The following QRFPR variants were observed in gnomAD, a reference collection of about 807,000 sequenced individuals.
QRFPR encodes pyroglutamylated RF-amide peptide receptor.
A neutral mutation model predicts 31.3 loss-of-function variants in QRFPR; 37 were observed. That is an observed-to-expected ratio of 1.18 (90% CI 0.91 to 1.56). The LOEUF is 1.56. QRFPR is among the 40% of genes most tolerant of loss of function. QRFPR has a pLI of 0.00. For synonymous variants in QRFPR, 197 were observed against 192.0 expected (o/e 1.03, Z -0.22); for missense variants, 542 against 532.5 (o/e 1.02, Z -0.18).
At chr4:121,359,873 C>T (rs537475933) in intron 1 of QRFPR, among the ~76,000 whole-genome samples, 4 of 151,582 alleles carry the variant, frequency 2.6e-5, no homozygotes, top group Non-Finnish European at 5.9e-5. Flanking sequence ...CTGACTAATA[C>T]GGCTTATTAT....
chr4:121,350,494 A>G (rs1362658158), intron 1 of QRFPR, among the ~76,000 whole-genome samples: 1 of 152,184 alleles, frequency 6.6e-6, no homozygotes, highest in Admixed American at 6.5e-5. Context: ...ATCTTTTTCA[A>G]TCTCTTTTCA....
intron 1 of QRFPR, among the ~76,000 whole-genome samples, chr4:121,368,082 G>A (rs1396022960): frequency 6.7e-6 from 1 of 149,724 alleles, no homozygotes; most frequent in Non-Finnish European, 1.5e-5. Flanking sequence ...AACTGAACTT[G>A]TACACAGTGA....
intron 1 of QRFPR, among the ~76,000 whole-genome samples, chr4:121,347,460 T>G (rs1261818630): frequency 6.6e-6 from 1 of 152,112 alleles, no homozygotes; most frequent in Non-Finnish European, 1.5e-5. Context: ...CACTGTTGCT[T>G]CTCCCACAGC....
Position 121,329,661 on chromosome 4 carries a change from C to T in QRFPR, c.949G>A (p.Val317Met), listed in dbSNP as rs751553958. 42 of 1,578,384 alleles carry T rather than the reference C, an allele frequency of 2.7e-5. No homozygotes were observed. The highest frequency in any genetic ancestry group is 3.4e-4 in the Middle Eastern group (2 of 5,904). ...DVTIKMIFAI[V>M]QIIGFSNSIC... is the part of the protein sequence containing the mutation. ...GAGTTGGAAAATCCAATAATTTGCA[C>T]GATAGCAAAAATCATCTTGATTGTG... The change falls in exon 6 of 6, where the codon GTG (valine) becomes ATG (methionine). Residue 317 changes from valine (V) to methionine (M), a missense_variant. Transcript: ENST00000394427.
At chr4:121,335,602 T>A (rs1361801643) in intron 3 of QRFPR, among the ~76,000 whole-genome samples, 8 of 99,284 alleles carry the variant, frequency 8.1e-5, no homozygotes, top group Non-Finnish European at 1.3e-4. Flanking sequence ...GGGAGAGGAG[T>A]GGGGCAGGGG....
intron 1 of QRFPR, among the ~76,000 whole-genome samples, chr4:121,349,208 A>T (rs1057194195): frequency 6.6e-6 from 1 of 152,008 alleles, no homozygotes; most frequent in Admixed American, 6.6e-5. Flanking sequence ...TGTTATGGGG[A>T]TGTGTTGAAA....
rs140939387 is a variant in QRFPR, at chr4:121,377,049, T to C, written c.340+3259A>G. Among the ~76,000 whole-genome samples, 3 of 152,312 alleles carry C rather than the reference T, an allele frequency of 2.0e-5. No individual in the cohort carries two copies. In the East Asian group the frequency reaches 5.8e-4, roughly 29 times the overall value. ...TCAGAAATATTTGAGAGACAGGCAA[T>C]GTAGAGATGTGACAAACTGGAAGTC... is the stretch of plus-strand genomic sequence containing the variant. On this transcript the variant is annotated intron_variant, in intron 1 of 5. Transcript: ENST00000394427.
At chr4:121,336,996 T>TCC in intron 2 of QRFPR, 128 bp from the exon 3 acceptor site, 1 of 794,046 alleles carries the variant, frequency 1.3e-6, no homozygotes, top group Non-Finnish European at 2.2e-6. Flanking sequence ...TGCCATGGTC[T>TCC]CCCCCAAGTT....
chr4:121,364,388 G>A (rs1726046535), intron 1 of QRFPR, among the ~76,000 whole-genome samples: 1 of 150,142 alleles, frequency 6.7e-6, no homozygotes, highest in Non-Finnish European at 1.5e-5. Flanking sequence ...TGTAATCCCA[G>A]CACTTTGGGA....
At chr4:121,372,363 T>A (rs1726263868) in intron 1 of QRFPR, among the ~76,000 whole-genome samples, 2 of 152,220 alleles carry the variant, frequency 1.3e-5, no homozygotes, top group Non-Finnish European at 2.9e-5. Context: ...AAGTATTCTC[T>A]CTCATTTCCT....
Position 121,332,999 on chromosome 4 carries a change from TG to T in QRFPR, c.618del (p.Ser207AlafsTer23), listed in dbSNP as rs1725360976. On this transcript the variant is annotated frameshift_variant, in exon 4 of 6. Coordinates refer to ENST00000394427, the MANE Select transcript of QRFPR (RefSeq NM_198179.3). LOFTEE classifies it high-confidence loss of function. ...KEHICCLEEW[T>X]SPVHQKIYTT... ...GTGTAGATCTTCTGGTGCACAGGGC[TG>T]GTCCACTCTTCTAAGCAGCAGATGT... 6.3e-7 allele frequency: 1 copy of T among 1,588,034 alleles called. No individual in the cohort carries two copies. Among genetic ancestry groups the T allele is most frequent in the South Asian group, 1.1e-5 (1 of 89,828 alleles).
intron 2 of QRFPR, among the ~76,000 whole-genome samples, chr4:121,337,084 G>T (rs1265797161): frequency 6.6e-6 from 1 of 152,198 alleles, no homozygotes; most frequent in African/African-American, 2.4e-5. Context: ...ACATTTAATA[G>T]TGTTTCACTG....
intron 1 of QRFPR, among the ~76,000 whole-genome samples, chr4:121,375,496 T>C (rs1726333739): frequency 6.6e-6 from 1 of 152,200 alleles, no homozygotes; most frequent in Admixed American, 6.5e-5. Flanking sequence ...CAGGAATGAC[T>C]CATAGTGCCA....
Position 121,340,563 on chromosome 4 carries a change from C to A in QRFPR, c.388G>T (p.Val130Leu), listed in dbSNP as rs1372609201. 1 of 1,614,078 alleles carries A rather than the reference C, an allele frequency of 6.2e-7. No individual in the cohort carries two copies. The highest frequency in any genetic ancestry group is 8.5e-7 in the Non-Finnish European group (1 of 1,179,986). The change falls in exon 2 of 6, where the codon GTG becomes TTG. Residue 130 changes from valine (V) to leucine (L), a missense_variant. Coordinates refer to ENST00000394427, the MANE Select transcript of QRFPR (RefSeq NM_198179.3). ...CAGGTCATAGTGAGGATTTCTGTCA[C>A]AACAGCGGTAGACTGGACAAATGGC... ...MVPFVQSTAV[V>L]TEILTMTCIA... is the part of the protein sequence containing the mutation.
At chr4:121,368,572 G>A (rs1418864113) in intron 1 of QRFPR, among the ~76,000 whole-genome samples, 1 of 150,224 alleles carries the variant, frequency 6.7e-6, no homozygotes, top group Non-Finnish European at 1.5e-5. Context: ...CCAAAAAGCA[G>A]GGGGACTCAA....
At chr4:121,349,919 T>C (rs1004585208) in intron 1 of QRFPR, among the ~76,000 whole-genome samples, 2 of 152,070 alleles carry the variant, frequency 1.3e-5, no homozygotes, top group Admixed American at 6.6e-5. Flanking sequence ...ATACATGCAA[T>C]AGAAAAATGC....
rs1725522109 is a variant in QRFPR, at chr4:121,340,513, T to C, written c.438A>G (p.Gly146=). The C allele has an allele frequency of 6.2e-7, 1 of 1,613,936 alleles. No homozygotes were observed. The highest frequency in any genetic ancestry group is 1.1e-5 in the South Asian group (1 of 91,080). ...MTCIAVERHQ[G]LVHPFKMKWQ... ...ACTTCATTTTAAAAGGATGCACAAG[T>C]CCCTGGTGCCTTTCCACAGCAATGC... The change falls in exon 2 of 6, where the codon GGA becomes GGG. Residue 146 remains glycine (G), a synonymous_variant. Coordinates refer to ENST00000394427, the MANE Select transcript of QRFPR (RefSeq NM_198179.3).
intron 4 of QRFPR, 54 bp downstream of exon 4, chr4:121,332,767 C>A: frequency 7.2e-7 from 1 of 1,386,642 alleles, no homozygotes; most frequent in East Asian, 2.4e-5. Context: ...ACCATCCCTT[C>A]CAGCACAATT....
At chr4:121,339,092 C>A (rs1014650533) in intron 2 of QRFPR, among the ~76,000 whole-genome samples, 4 of 152,216 alleles carry the variant, frequency 2.6e-5, no homozygotes, top group Non-Finnish European at 5.9e-5. Context: ...TATTTTCAAG[C>A]TATTTAAAAT....
Sources: allele counts gnomAD v4.1 joint callset (sites outside exome capture counted in the v4.1 genomes callset), GRCh38; gene constraint gnomAD v4.1.1; transcripts MANE v1.5; gene names NCBI Gene and HGNC (gene_info 2026-07-23, HGNC 2026-07-21).